TMC7: variants seen among roughly 807,000 people sequenced by gnomAD.
The protein encoded by TMC7 is transmembrane channel-like protein 7.
Under a neutral mutation model 82.9 loss-of-function variants are expected in TMC7, and 54 were observed. That is an observed-to-expected ratio of 0.65 (90% CI 0.52 to 0.82). The LOEUF is 0.82. Ranked by LOEUF, TMC7 falls within the 40% of genes least tolerant of loss-of-function variation. The probability of loss-of-function intolerance (pLI) is 0.00; values close to 1 mark genes in which losing one functional copy is unlikely to be tolerated. For missense variants in TMC7, 820 were observed against 901.2 expected, an observed-to-expected ratio of 0.91 and a Z score of 1.15; for synonymous variants, 350 against 337.9, an observed-to-expected ratio of 1.04 and a Z score of -0.39.
chr16:18,986,634 A>T (rs2038854862), intron 1 of TMC7, among the ~76,000 whole-genome samples: 2 of 152,034 alleles, frequency 1.3e-5, no homozygotes, highest in South Asian at 4.1e-4. Context: ...AACCAACAGG[A>T]TCTGGTGATT....
Position 19,063,638 on chromosome 16 carries a change from T to C in TMC7, c.*1795T>C, listed in dbSNP as rs1450573494. The C allele has an allele frequency of 6.6e-6, 1 of 152,038 alleles. No individual in the cohort carries two copies. Among genetic ancestry groups the C allele is most frequent in the Non-Finnish European group, 1.5e-5 (1 of 68,034 alleles). 9.4% of individuals were successfully genotyped at this position (152,038 alleles called of 1,614,324 possible). A position where few individuals can be genotyped will look rare whatever the true frequency, so the allele number is the denominator to read the frequency against. On this transcript the variant is annotated 3_prime_UTR_variant, in exon 16 of 16. Coordinates refer to ENST00000304381, the MANE Select transcript of TMC7 (RefSeq NM_024847.4). ...CTTTATATTTATATAACATTTTCACTGTGACCAGACTTGATGATATTCAAG... is the reference window on the plus strand; with the variant it reads ...CTTTATATTTATATAACATTTTCACCGTGACCAGACTTGATGATATTCAAG...
At chr16:19,015,591 A>G (rs539046592) in intron 2 of TMC7, among the ~76,000 whole-genome samples, 57 of 145,926 alleles carry the variant, frequency 3.9e-4, no homozygotes, top group Non-Finnish European at 7.5e-4. Flanking sequence ...TTTTTTTGAG[A>G]CCGAGTTTCA....
chr16:19,050,008 C>T (rs1472543270), intron 12 of TMC7, among the ~76,000 whole-genome samples: 1 of 152,020 alleles, frequency 6.6e-6, no homozygotes, highest in African/African-American at 2.4e-5. Flanking sequence ...AAAGGAACTC[C>T]TAATTTGGTG....
chr16:19,016,651 G>A (rs1959712302), intron 3 of TMC7, 53 bp downstream of exon 3: 3 of 1,581,510 alleles, frequency 1.9e-6, no homozygotes, highest in African/African-American at 2.7e-5. Context: ...TGTGTCTGGG[G>A]AGCAAGTACA....
chr16:19,040,445 A>T lies in TMC7; in HGVS notation c.1336A>T (p.Arg446Trp). ...PGFEIRLTIL[R>W]CVFMRLATIC... ...CTTTGAGATCCGTCTGACAATCCTT[A>T]GGTAATGCCTAACATGAAGATGGCA... Residue 446 changes from arginine to tryptophan, a missense_variant and splice_region_variant, in exon 9 of 16, where the codon AGG becomes TGG. By Grantham distance (101) the Arg-to-Trp change is moderately radical (BLOSUM62 -3). Transcript: ENST00000304381. The T allele has an allele frequency of 6.2e-7, 1 of 1,609,750 alleles. No homozygotes were observed. Among genetic ancestry groups the T allele is most frequent in the Non-Finnish European group, 8.5e-7 (1 of 1,179,468 alleles).
At chr16:19,042,936 T>C (rs540249837) in intron 9 of TMC7, among the ~76,000 whole-genome samples, 30 of 151,858 alleles carry the variant, frequency 2.0e-4, no homozygotes, top group Non-Finnish European at 4.0e-4. Flanking sequence ...TTAGTAGAGA[T>C]GGGGTTTTAC....
chr16:19,043,867 C>T (rs186956801), intron 9 of TMC7, among the ~76,000 whole-genome samples: 10 of 151,472 alleles, frequency 6.6e-5, no homozygotes, highest in Admixed American at 2.0e-4. Context: ...CCACCGCGCC[C>T]GGCCTGCTTT....
chr16:18,987,570 T>TG (rs1353943757), intron 1 of TMC7, among the ~76,000 whole-genome samples: 4 of 152,080 alleles, frequency 2.6e-5, no homozygotes, highest in Non-Finnish European at 5.9e-5. Flanking sequence ...CCTCCCAAAG[T>TG]ACTGGGATTA....
chr16:18,992,898 A>G (rs1158511407), intron 1 of TMC7, among the ~76,000 whole-genome samples: 2 of 152,242 alleles, frequency 1.3e-5, no homozygotes, highest in Non-Finnish European at 2.9e-5. Context: ...GTCAAAGATC[A>G]GATGGTTGTA....
intron 5 of TMC7, among the ~76,000 whole-genome samples, chr16:19,028,095 T>A (rs1038415945): frequency 3.3e-5 from 5 of 152,154 alleles, no homozygotes; most frequent in Non-Finnish European, 7.3e-5. Flanking sequence ...TTCCTCTCAT[T>A]TCCTTCCTTT....
chr16:19,001,009 T>C (rs1270453883), intron 1 of TMC7, among the ~76,000 whole-genome samples: 1 of 152,088 alleles, frequency 6.6e-6, no homozygotes, highest in Non-Finnish European at 1.5e-5. Flanking sequence ...TGAGATCCTG[T>C]CTCAAAAATA....
chr16:19,001,870 T>C (rs994203868), intron 1 of TMC7, among the ~76,000 whole-genome samples: 4 of 152,088 alleles, frequency 2.6e-5, no homozygotes, highest in Non-Finnish European at 5.9e-5. Flanking sequence ...TCCACGCAAG[T>C]TGTCAAACAG....
Position 19,047,255 on chromosome 16 carries a change from G to GA in TMC7, c.1740+7dup. 6.2e-7 allele frequency: 1 copy of GA among 1,612,370 alleles called. No individual in the cohort carries two copies. Among genetic ancestry groups the GA allele is most frequent in the Non-Finnish European group, 8.5e-7 (1 of 1,179,124 alleles). ...TCATCTTCTATGTGAAAGAGGTAAG[G>GA]AGCCGGTGGGAATGGGGGCTCATAT... On this transcript the variant is annotated splice_region_variant and intron_variant, in intron 12 of 15. Coordinates refer to ENST00000304381, the MANE Select transcript of TMC7 (RefSeq NM_024847.4).
chr16:19,018,181 G>A (rs1959795570), intron 3 of TMC7, among the ~76,000 whole-genome samples: 1 of 152,108 alleles, frequency 6.6e-6, no homozygotes, highest in South Asian at 2.1e-4. Flanking sequence ...TTATTATCCT[G>A]AGTCGAGGTT....
At chr16:19,038,097 T>C in intron 8 of TMC7, 50 bp downstream of exon 8, 11 of 1,552,900 alleles carry the variant, frequency 7.1e-6, no homozygotes, top group Non-Finnish European at 9.6e-6. Flanking sequence ...GCACTGAAAA[T>C]CTGTGAGGTA....
At chr16:18,986,053 T>C (rs1453413928) in intron 1 of TMC7, among the ~76,000 whole-genome samples, 1 of 147,544 alleles carries the variant, frequency 6.8e-6, no homozygotes, top group African/African-American at 2.5e-5. Flanking sequence ...AGAAGAGGTA[T>C]GTATCCTTCT....
At chr16:19,005,134 G>A (rs866345257) in intron 1 of TMC7, among the ~76,000 whole-genome samples, 1 of 151,752 alleles carries the variant, frequency 6.6e-6, no homozygotes, top group Middle Eastern at 3.4e-3. Context: ...TGTCGCCCAG[G>A]CTGGAGTGCA....
In TMC7 at chr16:19,030,247, C is replaced by T. The variant is rs753535460; in HGVS notation, c.735C>T (p.Leu245=). 2.5e-6 allele frequency: 4 copies of T among 1,612,254 alleles called. No individual in the cohort carries two copies. The African/African-American group carries it at 4.0e-5, about 16-fold the overall frequency. The stretch of plus-strand genomic sequence containing the variant: ...AGGGTTTCCTGGAGGAAACTAGCCT[C>T]TTTTACGGACATTACACCATTGATG... The part of the protein sequence containing the change: ...SGTGFLEETS[L]FYGHYTIDGV... The change falls in exon 6 of 16, where the codon CTC becomes CTT. Residue 245 remains leucine, a synonymous_variant. Transcript: ENST00000304381.
In TMC7 at chr16:18,983,998, A is replaced by AGGCGGC. The variant is rs759500658; in HGVS notation, c.-50_-45dup. ...CCGGCTCCGCGAGGGAAGGCCGGGGAGGCGGCGGCGGCGGCGGCGGCTGGA... is the reference window on the plus strand; with the variant it reads ...CCGGCTCCGCGAGGGAAGGCCGGGGAGGCGGCGGCGGCGGCGGCGGCGGCGGCTGGA... On this transcript the variant is annotated 5_prime_UTR_variant, in exon 1 of 16. Transcript: ENST00000304381. 72 of 1,349,324 alleles carry AGGCGGC rather than the reference A, an allele frequency of 5.3e-5. No individual in the cohort carries two copies. Among genetic ancestry groups the AGGCGGC allele is most frequent in the Middle Eastern group, 2.7e-4 (1 of 3,702 alleles). The allele number at this position is 1,349,324 out of a possible 1,614,324, so 83.6% of individuals were successfully genotyped here. A position where few individuals can be genotyped will look rare whatever the true frequency, so the allele number is the denominator to read the frequency against.
Sources: gnomAD v4.1 joint callset for allele counts (sites outside exome capture counted in the v4.1 genomes callset) on GRCh38, gnomAD v4.1.1 for gene constraint, MANE v1.5 for transcripts, NCBI Gene and HGNC (gene_info 2026-07-23, HGNC 2026-07-21) for gene names.